Variants in CLIP4 observed in about 807,000 individuals in gnomAD.
CLIP4 encodes CAP-Gly domain-containing linker protein 4.
Under a neutral mutation model 73.1 loss-of-function variants are expected in CLIP4, and 47 were observed. The ratio of observed to expected loss-of-function variants is 0.64; its 90% CI spans 0.51 to 0.82. CLIP4 has a LOEUF of 0.82. Ranked by LOEUF, CLIP4 falls within the 40% of genes least tolerant of loss-of-function variation. CLIP4 has a pLI of 0.00. For missense variants in CLIP4, 874 were observed against 852.9 expected (o/e 1.02, Z -0.31); for synonymous variants, 306 against 295.4 (o/e 1.04, Z -0.37).
intron 9 of CLIP4, among the ~76,000 whole-genome samples, chr2:29,155,735 CTAA>C (rs1666881634): frequency 6.6e-6 from 1 of 152,198 alleles, no homozygotes; most frequent in African/African-American, 2.4e-5. Flanking sequence ...TTGGACTATG[CTAA>C]TAATGTCTGA....
At chr2:29,156,282 T>C in intron 9 of CLIP4, 72 bp from the exon 10 acceptor site, 3 of 998,248 alleles carry the variant, frequency 3.0e-6, no homozygotes, top group East Asian at 5.5e-5. Context: ...GAGGGATGCA[T>C]GTACTTTAAA....
chr2:29,173,791 T>C (rs1280549004), intron 14 of CLIP4, among the ~76,000 whole-genome samples: 3 of 152,230 alleles, frequency 2.0e-5, no homozygotes, highest in African/African-American at 7.2e-5. Context: ...ATTTCTGTTG[T>C]ATTATTTGGA....
chr2:29,157,771 T>C (rs1288316363), intron 11 of CLIP4, among the ~76,000 whole-genome samples: 10 of 152,246 alleles, frequency 6.6e-5, no homozygotes. Context: ...GCCGTGAACC[T>C]GCATAATCTC....
chr2:29,157,598 C>T (rs1361377504), intron 11 of CLIP4, among the ~76,000 whole-genome samples: 2 of 152,148 alleles, frequency 1.3e-5, no homozygotes, highest in African/African-American at 4.8e-5. Flanking sequence ...AATTTAGCTT[C>T]TTCACAGGCC....
chr2:29,133,838 T>G, intron 5 of CLIP4, 22 bp downstream of exon 5: 1 of 1,551,056 alleles, frequency 6.4e-7, no homozygotes, highest in Non-Finnish European at 8.7e-7. Context: ...AAGATCACCT[T>G]TAGATATTAT....
At chr2:29,140,507 C>T (rs1665687015) in intron 6 of CLIP4, among the ~76,000 whole-genome samples, 1 of 152,108 alleles carries the variant, frequency 6.6e-6, no homozygotes, top group East Asian at 1.9e-4. Flanking sequence ...GGTTCCAAGT[C>T]TTTGCTATTG....
rs1572854870 is a variant in CLIP4 at position 29,107,368 on chromosome 2, T to TTTG, written c.-16+9423_-16+9424insGTT. Among the ~76,000 whole-genome samples the TTTG allele has an allele frequency of 3.9e-5, 3 of 76,582 alleles. 1 individual carries two copies. The highest frequency in any genetic ancestry group is 1.0e-3 in the East Asian group (2 of 2,000). 50.2% of individuals were successfully genotyped at this position (76,582 alleles called of 152,430 possible). On this transcript the variant is annotated intron_variant, in intron 1 of 14. Coordinates refer to the CLIP4 transcript ENST00000401605. ...TCCTGGAACATGATAGTTTTTTTTT[T>TTTG]TTTTTTTTTTTTTTTTTTTTTGAGA...
At chr2:29,178,603 T>C (rs766188657) in intron 15 of CLIP4, among the ~76,000 whole-genome samples, 31 of 152,230 alleles carry the variant, frequency 2.0e-4, no homozygotes, top group Non-Finnish European at 4.1e-4. Flanking sequence ...GCGTGACTTT[T>C]GCAATGTTTT....
At chr2:29,108,459 A>G (rs1367858784) in intron 1 of CLIP4, among the ~76,000 whole-genome samples, 1 of 152,206 alleles carries the variant, frequency 6.6e-6, no homozygotes, top group African/African-American at 2.4e-5. Context: ...AGATTTCATC[A>G]TGCTACTCAG....
chr2:29,121,400 G>A lies in CLIP4; in HGVS notation c.12G>A (p.Glu4=). The A allele has an allele frequency of 1.2e-6, 2 of 1,612,962 alleles. No homozygotes were observed. Among genetic ancestry groups the A allele is most frequent in the Non-Finnish European group, 1.7e-6 (2 of 1,179,586 alleles). The change falls in exon 2 of 16, where the codon GAG becomes GAA. Residue 4 remains glutamate (E), a synonymous_variant. Coordinates refer to ENST00000320081, the MANE Select transcript of CLIP4 (RefSeq NM_024692.6). ...TGGCTTTCTAGAAGATGACCATAGA[G>A]GACCTTCCAGATTTTCCATTAGAAG... The part of the protein sequence containing the change: MTI[E]DLPDFPLEGN...
In CLIP4 at chr2:29,165,316, T is replaced by C. The variant is rs1667536532; in HGVS notation, c.1658+1362T>C. On this transcript the variant is annotated intron_variant, in intron 13 of 15. Coordinates refer to ENST00000320081, the MANE Select transcript of CLIP4 (RefSeq NM_024692.6). ...AAGAAAAGGAAGCAGTAACTACGAA[T>C]AGTGCTTATACATGCTGGGGTCTGT... 2.0e-5 allele frequency among the ~76,000 whole-genome samples: 3 copies of C among 152,236 alleles called. No homozygotes were observed. The South Asian group carries it at 6.2e-4, about 32-fold the overall frequency.
At chr2:29,133,247 T>C (rs573529156) in intron 4 of CLIP4, among the ~76,000 whole-genome samples, 7 of 152,178 alleles carry the variant, frequency 4.6e-5, no homozygotes, top group East Asian at 1.9e-4. Flanking sequence ...TGAGAAGACA[T>C]ATTAAATAGG....
At chr2:29,174,536 C>A (rs1024505604) in intron 15 of CLIP4, 91 bp downstream of exon 15, 1 of 1,520,744 alleles carries the variant, frequency 6.6e-7, no homozygotes. Flanking sequence ...GTATCTTTTG[C>A]ATTGCTTGGT....
intron 8 of CLIP4, among the ~76,000 whole-genome samples, chr2:29,152,116 C>G (rs768555722): frequency 1.4e-4 from 21 of 152,090 alleles, no homozygotes; most frequent in Non-Finnish European, 2.8e-4. Flanking sequence ...AGTTAAGTAA[C>G]ATTTAAATTT....
intron 1 of CLIP4, among the ~76,000 whole-genome samples, chr2:29,099,629 G>C (rs1558500539): frequency 6.6e-6 from 1 of 152,154 alleles, no homozygotes; most frequent in African/African-American, 2.4e-5. Context: ...TAAGCCTGTA[G>C]TGTCAATCCT....
upstream of CLIP4, among the ~76,000 whole-genome samples, chr2:29,112,927 G>A (rs189413870): frequency 1.0e-3 from 157 of 152,270 alleles, 2 homozygotes; most frequent in African/African-American, 3.5e-3. Context: ...TATCATGGTC[G>A]GGGTCCTGAG....
At chr2:29,171,710 G>C (rs913822222) in intron 14 of CLIP4, among the ~76,000 whole-genome samples, 1 of 151,848 alleles carries the variant, frequency 6.6e-6, no homozygotes, top group African/African-American at 2.4e-5. Flanking sequence ...AGTAGAGACG[G>C]GTTTTCACTA....
At chr2:29,119,566 T>G (rs1664116062) in intron 1 of CLIP4, among the ~76,000 whole-genome samples, 1 of 152,170 alleles carries the variant, frequency 6.6e-6, no homozygotes, top group Non-Finnish European at 1.5e-5. Context: ...TAAAACAGCT[T>G]TAATCATGTT....
upstream of CLIP4, chr2:29,115,345 C>T (rs898944999): frequency 1.3e-5 from 2 of 151,866 alleles, no homozygotes; most frequent in African/African-American, 4.8e-5. This position sits in a 1 kb window ranked among gnomAD's most constrained non-coding sequence, Gnocchi z 5.1. Context: ...TGCGCCCGAT[C>T]ATCTGACTGC....
Sources: gnomAD v4.1 joint callset for allele counts (sites outside exome capture counted in the v4.1 genomes callset) on GRCh38, gnomAD v4.1.1 for gene constraint, Gnocchi (gnomAD v3.1) non-coding constraint, MANE v1.5 for transcripts, NCBI Gene and HGNC (gene_info 2026-07-23, HGNC 2026-07-21) for gene names.